The following DMD variants were observed in gnomAD, a reference collection of about 807,000 sequenced individuals.
The protein encoded by DMD is dystrophin, also known as mutant dystrophin.
In DMD, 63 loss-of-function variants were observed where a neutral mutation model predicts 330.1. The observed-to-expected ratio is 0.19, with a 90% CI of 0.16 to 0.24. The LOEUF is 0.24. DMD is among the 10% of genes least tolerant of loss of function. DMD has a pLI of 1.00. For synonymous variants in DMD, 1,223 were observed against 959.8 expected (o/e 1.27, Z -5.07); for missense variants, 3,344 against 2,684.1 (o/e 1.25, Z -5.43).
intron 52 of DMD, among the ~76,000 whole-genome samples, chrX:31,690,925 A>G (rs1483734967): frequency 9.1e-6 from 1 of 110,105 alleles, no homozygotes; most frequent in Non-Finnish European, 1.9e-5. Flanking sequence ...CAATGAGAAC[A>G]CCTGGACGCA....
intron 55 of DMD, among the ~76,000 whole-genome samples, chrX:31,579,152 C>T (rs1921960): frequency 1.8e-5 from 2 of 111,111 alleles, no homozygotes; most frequent in Non-Finnish European, 3.8e-5. Flanking sequence ...TCTTACAGAA[C>T]AGACTGACTG....
At chrX:32,565,276 C>T (rs1337011119) in intron 16 of DMD, among the ~76,000 whole-genome samples, 1 of 111,629 alleles carries the variant, frequency 9.0e-6, no homozygotes, top group Non-Finnish European at 1.9e-5. Flanking sequence ...AAGACCTGAA[C>T]CCTAGTTCTC....
intron 18 of DMD, among the ~76,000 whole-genome samples, chrX:32,511,866 A>G (rs991771042): frequency 1.2e-4 from 13 of 111,657 alleles, no homozygotes; most frequent in African/African-American, 4.2e-4. Flanking sequence ...TTTACTCAAT[A>G]TATGCTTAAT....
intron 9 of DMD, among the ~76,000 whole-genome samples, chrX:32,681,075 G>A (rs759823865): frequency 1.4e-4 from 16 of 112,268 alleles, no homozygotes; most frequent in African/African-American, 4.8e-4. Context: ...GAATCTTAGA[G>A]CAGCAAAGAT....
chrX:32,608,280 G>A (rs1358796459), intron 12 of DMD, among the ~76,000 whole-genome samples: 5 of 109,865 alleles, frequency 4.6e-5, no homozygotes, highest in African/African-American at 1.6e-4. Flanking sequence ...AATTCTTATG[G>A]GATATTAGAT....
intron 2 of DMD, among the ~76,000 whole-genome samples, chrX:32,885,447 A>AT (rs1446899447): frequency 9.0e-6 from 1 of 111,660 alleles, no homozygotes; most frequent in Admixed American, 9.5e-5. Flanking sequence ...AGTCAATCAT[A>AT]TTTTCATAAA....
intron 63 of DMD, among the ~76,000 whole-genome samples, chrX:31,228,262 A>T (rs1355041513): frequency 3.1e-5 from 2 of 65,357 alleles, no homozygotes; most frequent in African/African-American, 2.3e-4. Context: ...ATAATAAAAA[A>T]AAAATAAAAA....
intron 43 of DMD, among the ~76,000 whole-genome samples, chrX:32,239,093 T>C (rs1185496902): frequency 8.9e-6 from 1 of 111,883 alleles, no homozygotes; most frequent in Non-Finnish European, 1.9e-5. Flanking sequence ...GCATGGTGCA[T>C]TCCTCTTGCG....
At chrX:32,582,948 TG>T (rs766846968) in intron 13 of DMD, among the ~76,000 whole-genome samples, 32 of 111,807 alleles carry the variant, frequency 2.9e-4, no homozygotes, top group Non-Finnish European at 4.9e-4. Context: ...CCAGTCTCTG[TG>T]GGACAGTAGG....
intron 15 of DMD, among the ~76,000 whole-genome samples, chrX:32,571,947 C>A (rs1200699163): frequency 3.6e-5 from 4 of 111,693 alleles, no homozygotes; most frequent in Admixed American, 9.6e-5. Context: ...CATCTTCCTA[C>A]CAAAAAGAAT....
intron 53 of DMD, among the ~76,000 whole-genome samples, chrX:31,676,604 G>C (rs924084566): frequency 9.0e-6 from 1 of 111,348 alleles, no homozygotes; most frequent in Non-Finnish European, 1.9e-5. Context: ...TTTTAGCCAC[G>C]TAGACAATTG....
At chrX:32,753,770 C>G (rs1471942514) in intron 7 of DMD, among the ~76,000 whole-genome samples, 1 of 111,691 alleles carries the variant, frequency 9.0e-6, no homozygotes, top group East Asian at 2.8e-4. Flanking sequence ...GTTAGTTCTC[C>G]CTTTCTGTAC....
chrX:32,370,001 A>C (rs1369613904), intron 34 of DMD, among the ~76,000 whole-genome samples: 1 of 111,279 alleles, frequency 9.0e-6, no homozygotes, highest in Non-Finnish European at 1.9e-5. Flanking sequence ...CCCCCTACCC[A>C]GGTGAATTCT....
At chrX:32,724,849 G>T (rs2066697114) in intron 7 of DMD, among the ~76,000 whole-genome samples, 1 of 111,679 alleles carries the variant, frequency 9.0e-6, no homozygotes, top group South Asian at 3.7e-4. Context: ...ATTAAAAAAT[G>T]TTTATCATAT....
chrX:32,027,183 C>CACAGAG (rs774715155), intron 44 of DMD, among the ~76,000 whole-genome samples: 5 of 97,502 alleles, frequency 5.1e-5, no homozygotes, highest in East Asian at 6.9e-4. Context: ...CACACACACA[C>CACAGAG]AGAGAGAGAG....
chrX:32,720,584 T>A (rs1360631353), intron 7 of DMD, among the ~76,000 whole-genome samples: 5 of 111,562 alleles, frequency 4.5e-5, no homozygotes, highest in Non-Finnish European at 9.4e-5. Context: ...GAGAAAATCA[T>A]TGTTACAACT....
chrX:32,585,764 T>TC (rs1169739724), intron 13 of DMD, among the ~76,000 whole-genome samples: 2 of 105,013 alleles, frequency 1.9e-5, no homozygotes. Flanking sequence ...TGCTTATATT[T>TC]CCCCTGTAAT....
intron 12 of DMD, among the ~76,000 whole-genome samples, chrX:32,614,019 C>T (rs2057375027): frequency 9.1e-6 from 1 of 110,181 alleles, no homozygotes; most frequent in Admixed American, 9.7e-5. Flanking sequence ...TGTGAAGCCT[C>T]TTTTATATGG....
intron 76 of DMD, among the ~76,000 whole-genome samples, chrX:31,138,955 T>G (rs1429587862): frequency 8.9e-6 from 1 of 111,929 alleles, no homozygotes; most frequent in Non-Finnish European, 1.9e-5. Flanking sequence ...AAAACACCTT[T>G]TCACTTTTTT....
Sources: allele counts gnomAD v4.1 joint callset (sites outside exome capture counted in the v4.1 genomes callset), GRCh38; gene constraint gnomAD v4.1.1; transcripts MANE v1.5; gene names NCBI Gene and HGNC (gene_info 2026-07-23, HGNC 2026-07-21).